The following MTUS2 variants were observed in gnomAD, a reference collection of about 807,000 sequenced individuals.
MTUS2 encodes microtubule associated scaffold protein 2.
Under a neutral mutation model 114.1 loss-of-function variants are expected in MTUS2, and 40 were observed. That is an observed-to-expected ratio of 0.35 (90% CI 0.27 to 0.46). MTUS2 has a LOEUF of 0.46. Ranked by LOEUF, MTUS2 falls within the 20% of genes least tolerant of loss-of-function variation. MTUS2 has a pLI of 1.00. For missense variants in MTUS2, 1,679 were observed against 1,705.4 expected (o/e 0.98, Z 0.27); for synonymous variants, 688 against 672.0 (o/e 1.02, Z -0.37).
intron 7 of MTUS2, among the ~76,000 whole-genome samples, chr13:29,350,942 T>C (rs994702317): frequency 1.8e-5 from 2 of 113,838 alleles, no homozygotes; most frequent in African/African-American, 5.9e-5. Flanking sequence ...CATTAGGAAT[T>C]AGGGCATATA....
At chr13:29,111,420 G>C (rs1260550164) in intron 5 of MTUS2, among the ~76,000 whole-genome samples, 2 of 152,130 alleles carry the variant, frequency 1.3e-5, no homozygotes, top group African/African-American at 4.8e-5. Context: ...CGAGCATCTT[G>C]GATTATTAGT....
At chr13:29,324,174 T>G (rs535753389) in intron 6 of MTUS2, among the ~76,000 whole-genome samples, 1 of 152,322 alleles carries the variant, frequency 6.6e-6, no homozygotes, top group South Asian at 2.1e-4. Flanking sequence ...CCCCCGTGGC[T>G]TGGCTCCGGG....
intron 2 of MTUS2, among the ~76,000 whole-genome samples, chr13:28,946,001 G>A (rs912421396): frequency 6.6e-6 from 1 of 152,192 alleles, no homozygotes. Context: ...GATGTATTCA[G>A]TAGTGCATTT....
In MTUS2 at chr13:29,388,683, T is replaced by A. The variant is rs550957319; in HGVS notation, c.3117+29210T>A. Reference sequence around the variant, plus strand: ...ACCTTTTAAAAATAAAATTAAAATTTAAAAAAATTTAAAATAAAAAAAATT... The same window carrying A: ...ACCTTTTAAAAATAAAATTAAAATTAAAAAAAATTTAAAATAAAAAAAATT... On this transcript the variant is annotated intron_variant, in intron 8 of 15. Coordinates refer to ENST00000612955, the MANE Select transcript of MTUS2 (RefSeq NM_001033602.4). Among the ~76,000 whole-genome samples, 211 of 148,068 alleles carry A rather than the reference T, an allele frequency of 1.4e-3. 1 individual carries two copies. The highest frequency in any genetic ancestry group is 4.8e-3 in the African/African-American group (200 of 41,276).
intron 5 of MTUS2, among the ~76,000 whole-genome samples, chr13:29,103,999 G>T (rs576808619): frequency 6.6e-6 from 1 of 151,962 alleles, no homozygotes; most frequent in South Asian, 2.1e-4. Flanking sequence ...AGGGGCAAGT[G>T]ATGATGAATG....
chr13:29,014,884 G>A (rs892362069), intron 2 of MTUS2, among the ~76,000 whole-genome samples: 3 of 152,180 alleles, frequency 2.0e-5, no homozygotes, highest in Middle Eastern at 3.2e-3. Flanking sequence ...AGCAAAGTCC[G>A]GGAGCATGGT....
intron 4 of MTUS2, among the ~76,000 whole-genome samples, chr13:29,035,504 A>G (rs1411847872): frequency 6.6e-6 from 1 of 152,210 alleles, no homozygotes; most frequent in Non-Finnish European, 1.5e-5. Flanking sequence ...TGCAGGCAGC[A>G]GGCCCTTTCC....
intron 5 of MTUS2, among the ~76,000 whole-genome samples, chr13:29,236,457 A>T (rs1896538456): frequency 6.6e-6 from 1 of 152,210 alleles, no homozygotes; most frequent in Non-Finnish European, 1.5e-5. Context: ...AGAACCTAGA[A>T]AGCTGGAGTG....
At chr13:29,416,375 A>G (rs948523832) in intron 8 of MTUS2, among the ~76,000 whole-genome samples, 3 of 151,690 alleles carry the variant, frequency 2.0e-5, no homozygotes, top group Non-Finnish European at 4.4e-5. Flanking sequence ...GCATTTGTAC[A>G]TTAGTCTTCA....
intron 2 of MTUS2, among the ~76,000 whole-genome samples, chr13:29,012,645 G>T (rs1012728663): frequency 6.6e-6 from 1 of 152,074 alleles, no homozygotes; most frequent in Non-Finnish European, 1.5e-5. Context: ...AGGCCGAGGC[G>T]GGCGGATCAC....
intron 2 of MTUS2, among the ~76,000 whole-genome samples, chr13:28,870,186 C>T (rs1877537659): frequency 6.6e-6 from 1 of 152,118 alleles, no homozygotes; most frequent in African/African-American, 2.4e-5. Flanking sequence ...AACTATCAGA[C>T]TCTGATTTCC....
At chr13:29,396,550 G>A (rs1873932028) in intron 8 of MTUS2, among the ~76,000 whole-genome samples, 2 of 152,176 alleles carry the variant, frequency 1.3e-5, no homozygotes, top group South Asian at 4.1e-4. Context: ...TTATTGTGTA[G>A]CTACCATTCT....
At chr13:29,172,304 C>T (rs1288905820) in intron 5 of MTUS2, among the ~76,000 whole-genome samples, 1 of 152,178 alleles carries the variant, frequency 6.6e-6, no homozygotes, top group Non-Finnish European at 1.5e-5. Context: ...ATGCTGGCTT[C>T]TATTCTCCTG....
intron 5 of MTUS2, among the ~76,000 whole-genome samples, chr13:29,252,205 A>C (rs1317673174): frequency 6.6e-6 from 1 of 152,184 alleles, no homozygotes. Context: ...ATCGTATCTT[A>C]ATAATTACTA....
chr13:29,480,270 A>G lies in MTUS2; in HGVS notation c.3305A>G (p.Glu1102Gly). The G allele has an allele frequency of 6.4e-7, 1 of 1,554,110 alleles. No homozygotes were observed. Among genetic ancestry groups the G allele is most frequent in the Non-Finnish European group, 8.7e-7 (1 of 1,148,786 alleles). ...CAGGCCGAGCTCCAGGAGCTGGAGG[A>G]GCGGCTGCAGCTGCAATTCGAGGCG... ...QQQAELQELE[E>G]RLQLQFEAEM... is the part of the protein sequence containing the mutation. The change falls in exon 10 of 16, where the codon GAG becomes GGG. Residue 1102 changes from glutamate to glycine, a missense_variant. Around this residue, in one of 3 missense-constraint regions of MTUS2, gnomAD observed 822 missense variants for 899.7 expected, o/e 0.91. Coordinates refer to ENST00000612955, the MANE Select transcript of MTUS2 (RefSeq NM_001033602.4). The surrounding 1 kb of genome is among the most constrained non-coding windows in gnomAD (Gnocchi z 4.4).
At chr13:29,112,717 T>C (rs1475625135) in intron 5 of MTUS2, among the ~76,000 whole-genome samples, 3 of 151,792 alleles carry the variant, frequency 2.0e-5, no homozygotes, top group Non-Finnish European at 4.4e-5. Flanking sequence ...CTGGGGCAAA[T>C]AGGAGGGAAT....
intron 8 of MTUS2, among the ~76,000 whole-genome samples, chr13:29,410,892 C>T (rs1040401661): frequency 9.2e-5 from 14 of 152,090 alleles, no homozygotes; most frequent in African/African-American, 3.1e-4. Context: ...AGTGCAGTGG[C>T]ACGATCTCGG....
At chr13:29,070,176 C>T (rs963370065) in intron 4 of MTUS2, among the ~76,000 whole-genome samples, 4 of 152,098 alleles carry the variant, frequency 2.6e-5, no homozygotes, top group African/African-American at 4.8e-5. Flanking sequence ...CCTGTTTCTC[C>T]TGGTGCCTGC....
chr13:29,274,318 GT>G (rs1477280964), intron 5 of MTUS2, among the ~76,000 whole-genome samples: 13 of 152,194 alleles, frequency 8.5e-5, no homozygotes, highest in Admixed American at 4.6e-4. Flanking sequence ...CACCGTGTTA[GT>G]CAGGATGGTC....
Sources: allele counts gnomAD v4.1 joint callset (sites outside exome capture counted in the v4.1 genomes callset), GRCh38; gene constraint gnomAD v4.1.1; regional missense constraint gnomAD v4.1.1; non-coding constraint Gnocchi (gnomAD v3.1); transcripts MANE v1.5; gene names NCBI Gene and HGNC (gene_info 2026-07-23, HGNC 2026-07-21).